The following SWT1 variants were observed in gnomAD, a reference collection of about 807,000 sequenced individuals.
The protein encoded by SWT1 is transcriptional protein SWT1.
SWT1 carries 33 observed loss-of-function variants against 107.3 expected under a neutral mutation model. The ratio of observed to expected loss-of-function variants is 0.31; its 90% confidence interval spans 0.23 to 0.41. SWT1 has a LOEUF of 0.41. Ranked by LOEUF, SWT1 falls within the 10% of genes least tolerant of loss-of-function variation. SWT1 has a pLI of 1.00. For synonymous variants in SWT1, 345 were observed against 348.3 expected (o/e 0.99, Z 0.11); for missense variants, 898 against 1,028.9 (o/e 0.87, Z 1.74).
intron 16 of SWT1, among the ~76,000 whole-genome samples, chr1:185,245,047 A>G (rs1172091472): frequency 6.6e-6 from 1 of 152,006 alleles, no homozygotes; most frequent in Non-Finnish European, 1.5e-5. Context: ...GCATAACTGC[A>G]TTCCAGCTTG....
chr1:185,168,251 G>A (rs1242562856), intron 3 of SWT1, 89 bp from the exon 4 acceptor site: 3 of 749,348 alleles, frequency 4.0e-6, no homozygotes, highest in East Asian at 4.4e-5. Flanking sequence ...TTAAGTAAAA[G>A]TATTGTGTCA....
chr1:185,234,892 C>A (rs1372205284), intron 16 of SWT1, among the ~76,000 whole-genome samples: 1 of 150,492 alleles, frequency 6.6e-6, no homozygotes, highest in African/African-American at 2.5e-5. Flanking sequence ...ACCACCAATC[C>A]CACAGAAATA....
rs116929783 is a variant in SWT1, at chr1:185,198,626, C to T, written c.1524-4028C>T. On this transcript the variant is annotated intron_variant, in intron 10 of 18. Transcript: ENST00000367500. ...GAATCTGCTGCTCCTGTATTGGGTG[C>T]ATATATATTTAGGAAATTTAGCTCT... Among the ~76,000 whole-genome samples the T allele has an allele frequency of 5.9e-3, 900 of 152,210 alleles. 34 individuals are homozygous for T. In the East Asian group the frequency reaches 0.096, roughly 16 times the overall value.
intron 17 of SWT1, among the ~76,000 whole-genome samples, chr1:185,275,313 T>C (rs1198624334): frequency 6.6e-6 from 1 of 151,838 alleles, no homozygotes; most frequent in Admixed American, 6.6e-5. Context: ...GCAGAACATG[T>C]AAAGAAGAAA....
chr1:185,250,915 G>A (rs1037491869), intron 16 of SWT1, among the ~76,000 whole-genome samples: 10 of 152,230 alleles, frequency 6.6e-5, no homozygotes, highest in South Asian at 2.1e-4. Context: ...TGGCCTCCTC[G>A]GCCTCCCAAA....
intron 16 of SWT1, among the ~76,000 whole-genome samples, chr1:185,255,717 G>A (rs1183677021): frequency 7.0e-6 from 1 of 143,678 alleles, no homozygotes; most frequent in Non-Finnish European, 1.5e-5. Flanking sequence ...ACACTGATGG[G>A]TCTTGACTCT....
intron 16 of SWT1, among the ~76,000 whole-genome samples, chr1:185,256,795 T>C (rs1442812629): frequency 5.9e-5 from 9 of 152,216 alleles, no homozygotes; most frequent in Non-Finnish European, 1.3e-4. Context: ...AAAGTCATTC[T>C]CCATCCAGCT....
At chr1:185,159,540 G>T (rs1157056565) in intron 1 of SWT1, among the ~76,000 whole-genome samples, 1 of 152,060 alleles carries the variant, frequency 6.6e-6, no homozygotes, top group Non-Finnish European at 1.5e-5. Flanking sequence ...CAAGGAAGAA[G>T]AATTCACTCA....
rs4548393 is a variant in SWT1, at chr1:185,192,633, C to T, written c.1523+1991C>T. On this transcript the variant is annotated intron_variant, in intron 10 of 18. Coordinates refer to ENST00000367500, the MANE Select transcript of SWT1 (RefSeq NM_017673.7). ...TCACATCCTGTTAATATAGAGAACA[C>T]GTCTGTAACGCCTCTCTTTTTTTTT... Among the ~76,000 whole-genome samples the T allele has an allele frequency of 7.0e-3, 1,063 of 151,490 alleles. 10 individuals carry two copies. Among genetic ancestry groups the T allele is most frequent in the African/African-American group, 0.024 (994 of 41,292 alleles).
Position 185,227,142 on chromosome 1 carries a change from T to C in SWT1, c.2310-4435T>C, listed in dbSNP as rs149162927. 455 of 1,220,810 alleles carry C rather than the reference T, an allele frequency of 3.7e-4. No homozygotes were observed. The African/African-American group carries it at 5.9e-3, about 16-fold the overall frequency. 75.6% of individuals were successfully genotyped at this position (1,220,810 alleles called of 1,614,324 possible). On this transcript the variant is annotated intron_variant, in intron 15 of 18. Transcript: ENST00000367500. ...TACTTCTGCATTAAATTCCTTGCTT[T>C]CAGAATCATAACCAGAGAATTGTTT... is the stretch of plus-strand genomic sequence containing the variant.
chr1:185,192,208 T>C (rs1657013249), intron 10 of SWT1, among the ~76,000 whole-genome samples: 1 of 152,218 alleles, frequency 6.6e-6, no homozygotes, highest in African/African-American at 2.4e-5. Flanking sequence ...ATATTGCTTT[T>C]CTAAACTCCA....
At chr1:185,166,136 T>C (rs902955783) in intron 2 of SWT1, among the ~76,000 whole-genome samples, 4 of 152,280 alleles carry the variant, frequency 2.6e-5, no homozygotes, top group Non-Finnish European at 4.4e-5. Flanking sequence ...AGAACTGTTA[T>C]TATTTTTTCA....
At chr1:185,255,928 G>C (rs186504253) in intron 16 of SWT1, among the ~76,000 whole-genome samples, 6,431 of 148,952 alleles carry the variant, frequency 0.043, 313 homozygotes, top group East Asian at 0.14. Flanking sequence ...CCGGTTGTTC[G>C]TTTCCATGTT....
intron 12 of SWT1, among the ~76,000 whole-genome samples, chr1:185,205,823 ATC>A: frequency 6.6e-6 from 1 of 152,232 alleles, no homozygotes; most frequent in East Asian, 1.9e-4. Flanking sequence ...GAGTGTTGAT[ATC>A]TCATAGTAGA....
At chr1:185,170,033 G>A (rs550200004) in intron 4 of SWT1, among the ~76,000 whole-genome samples, 2 of 152,236 alleles carry the variant, frequency 1.3e-5, no homozygotes, top group South Asian at 2.1e-4. Context: ...TGCTAGAGCC[G>A]TTACCATAAG....
intron 10 of SWT1, among the ~76,000 whole-genome samples, chr1:185,192,446 T>G (rs763114323): frequency 6.6e-6 from 1 of 152,038 alleles, no homozygotes; most frequent in Non-Finnish European, 1.5e-5. Flanking sequence ...TCCTGTGTGG[T>G]CTTCTTTAAT....
intron 3 of SWT1, among the ~76,000 whole-genome samples, chr1:185,167,050 G>A (rs1253217354): frequency 6.6e-6 from 1 of 152,160 alleles, no homozygotes; most frequent in Non-Finnish European, 1.5e-5. Flanking sequence ...TGGGATTACA[G>A]GCGTGCACCA....
intron 16 of SWT1, chr1:185,251,378 C>T (rs1662006694): frequency 6.5e-6 from 1 of 152,690 alleles, no homozygotes; most frequent in Non-Finnish European, 1.5e-5. Context: ...TCTTTTGTTC[C>T]TTCTCCACTC....
intron 18 of SWT1, among the ~76,000 whole-genome samples, chr1:185,276,976 T>TA (rs1664284988): frequency 2.0e-5 from 3 of 152,192 alleles, no homozygotes; most frequent in Non-Finnish European, 4.4e-5. Flanking sequence ...ATTTGCTGTA[T>TA]TAAAACTTAG....
Sources: gnomAD v4.1 joint callset for allele counts (sites outside exome capture counted in the v4.1 genomes callset) on GRCh38, gnomAD v4.1.1 for gene constraint, MANE v1.5 for transcripts, NCBI Gene and HGNC (gene_info 2026-07-23, HGNC 2026-07-21) for gene names.